Variants in CRISPLD2 observed in about 807,000 individuals in gnomAD.
The protein encoded by CRISPLD2 is cysteine rich secretory protein LCCL domain containing 2.
A neutral mutation model predicts 71.1 loss-of-function variants in CRISPLD2; 47 were observed. The ratio of observed to expected loss-of-function variants is 0.66; its 90% CI spans 0.52 to 0.84. The LOEUF (loss-of-function observed/expected upper bound fraction) is 0.84. CRISPLD2 is among the 40% of genes least tolerant of loss of function. The pLI is 0.00. For synonymous variants in CRISPLD2, 317 were observed against 250.1 expected (o/e 1.27, Z -2.52); for missense variants, 830 against 651.1 (o/e 1.27, Z -2.99).
intron 12 of CRISPLD2, among the ~76,000 whole-genome samples, chr16:84,877,864 C>G (rs539294195): frequency 1.3e-5 from 2 of 150,804 alleles, no homozygotes; most frequent in African/African-American, 2.4e-5. Flanking sequence ...AAATAAAATA[C>G]AAATTAAAAA....
At chr16:84,885,861 C>G (rs1351836179) in intron 13 of CRISPLD2, among the ~76,000 whole-genome samples, 1 of 134,316 alleles carries the variant, frequency 7.4e-6, no homozygotes, top group African/African-American at 2.8e-5. Context: ...CTCTGTCACA[C>G]AGGCTGGAGT....
chr16:84,897,424 T>C (rs2968151), intron 14 of CRISPLD2, among the ~76,000 whole-genome samples: 93,568 of 152,014 alleles, frequency 0.62, 29,428 homozygotes, highest in East Asian at 0.85. Flanking sequence ...CACTGCACTC[T>C]AGCCTCGGTG....
rs1242500827 is a variant in CRISPLD2 at position 84,850,644 on chromosome 16, G to T, written c.569G>T (p.Trp190Leu). Reference protein sequence around the residue: ...CRKMTVWGEVWENAVYFVCNY... With the variant: ...CRKMTVWGEVLENAVYFVCNY... ...AAGATGACTGTCTGGGGAGAAGTTTGGGAGAACGCGGTCTACTTTGTCTGC... is the reference window on the plus strand; with the variant it reads ...AAGATGACTGTCTGGGGAGAAGTTTTGGAGAACGCGGTCTACTTTGTCTGC... Residue 190 changes from tryptophan to leucine, a missense_variant, in exon 5 of 15, where the codon TGG (tryptophan) becomes TTG (leucine). Trp to Leu is a moderately conservative substitution (Grantham distance 61). Transcript: ENST00000262424. 6.2e-7 allele frequency: 1 copy of T among 1,614,164 alleles called. No individual in the cohort carries two copies. The highest frequency in any genetic ancestry group is 8.5e-7 in the Non-Finnish European group (1 of 1,180,008).
chr16:84,887,556 A>G (rs2071623961), intron 13 of CRISPLD2, among the ~76,000 whole-genome samples: 1 of 152,234 alleles, frequency 6.6e-6, no homozygotes. Context: ...TTATGGTGTC[A>G]TTCTCCTGGG....
At position 84,885,873 on chromosome 16, in the gene CRISPLD2, C is replaced by T. The variant is rs144490343; in HGVS notation, c.1306-3357C>T. 9.4e-3 allele frequency among the ~76,000 whole-genome samples: 1,247 copies of T among 132,444 alleles called. 10 individuals carry two copies. The highest frequency in any genetic ancestry group is 0.014 in the Non-Finnish European group (940 of 65,572). The allele number at this position is 132,444 out of a possible 152,430, so 86.9% of individuals were successfully genotyped here. The stretch of plus-strand genomic sequence containing the variant: ...GAGCTCTGTCACACAGGCTGGAGTG[C>T]AGTGGTGCCATCACAGCCCACTGTG... On this transcript the variant is annotated intron_variant, in intron 13 of 14. Transcript: ENST00000262424.
intron 8 of CRISPLD2, among the ~76,000 whole-genome samples, chr16:84,870,418 T>G (rs1420234103): frequency 6.6e-6 from 1 of 151,984 alleles, no homozygotes; most frequent in African/African-American, 2.4e-5. Context: ...TTCCCGGGTT[T>G]AAGTGATTCT....
At chr16:84,863,695 C>T (rs1597464909) in intron 6 of CRISPLD2, among the ~76,000 whole-genome samples, 1 of 152,118 alleles carries the variant, frequency 6.6e-6, no homozygotes, top group African/African-American at 2.4e-5. Flanking sequence ...GATGGCCGGG[C>T]GCGGTGGCTC....
chr16:84,897,401 G>T (rs939212390), intron 14 of CRISPLD2, among the ~76,000 whole-genome samples: 1 of 152,134 alleles, frequency 6.6e-6, no homozygotes, highest in Admixed American at 6.5e-5. Flanking sequence ...GCTACAGTGA[G>T]TGGAGATTGC....
At chr16:84,906,062 G>C (rs1185020441) in intron 14 of CRISPLD2, among the ~76,000 whole-genome samples, 1 of 152,028 alleles carries the variant, frequency 6.6e-6, no homozygotes, top group Non-Finnish European at 1.5e-5. Context: ...AACTCCTCTT[G>C]TGAGAGGGCA....
intron 11 of CRISPLD2, 56 bp from the exon 12 acceptor site, chr16:84,877,382 G>C: frequency 6.5e-7 from 1 of 1,527,230 alleles, no homozygotes; most frequent in Admixed American, 1.7e-5. Flanking sequence ...CAGCCTGGTA[G>C]CCTGAGGCCC....
At chr16:84,876,808 A>C (rs939036954) in intron 11 of CRISPLD2, among the ~76,000 whole-genome samples, 9 of 152,356 alleles carry the variant, frequency 5.9e-5, no homozygotes, top group Non-Finnish European at 8.8e-5. Context: ...AAAAAAGAAA[A>C]AGAAAAAGTT....
At chr16:84,830,303 T>C (rs900656790) in intron 1 of CRISPLD2, among the ~76,000 whole-genome samples, 2 of 152,106 alleles carry the variant, frequency 1.3e-5, no homozygotes, top group African/African-American at 4.8e-5. Flanking sequence ...GCCTGGGTAA[T>C]AGTGAGACCC....
intron 3 of CRISPLD2, among the ~76,000 whole-genome samples, chr16:84,847,776 G>A (rs1471839965): frequency 1.3e-5 from 2 of 152,122 alleles, no homozygotes; most frequent in African/African-American, 2.4e-5. Context: ...CTGGCTGGGC[G>A]CCGACGTAGT....
rs145173036 is a variant in CRISPLD2 at position 84,885,554 on chromosome 16, C to T, written c.1306-3676C>T. ...TTCTGCCTGCAACTCCAGGGCCTCC[C>T]AGATACCCGGGACCCCGCTTTGGGC... On this transcript the variant is annotated intron_variant, in intron 13 of 14. Coordinates refer to ENST00000262424, the MANE Select transcript of CRISPLD2 (RefSeq NM_031476.4). 1.9e-3 allele frequency among the ~76,000 whole-genome samples: 284 copies of T among 152,326 alleles called. 1 individual carries two copies. Among genetic ancestry groups the T allele is most frequent in the African/African-American group, 6.5e-3 (272 of 41,570 alleles).
intron 1 of CRISPLD2, among the ~76,000 whole-genome samples, chr16:84,828,689 G>T (rs1445534933): frequency 6.6e-6 from 1 of 152,116 alleles, no homozygotes; most frequent in Non-Finnish European, 1.5e-5. Context: ...TCCCTTAAAA[G>T]TGACTTTTCT....
At chr16:84,873,893 G>GTTTTTTT in intron 10 of CRISPLD2, 27 bp from the exon 11 acceptor site, 1 of 1,419,630 alleles carries the variant, frequency 7.0e-7, no homozygotes, top group South Asian at 1.3e-5. Context: ...CCTAATGCCC[G>GTTTTTTT]TTTTTTTTTT....
In CRISPLD2 at chr16:84,880,544, C is replaced by G; in HGVS notation, c.1265C>G (p.Ser422Cys). 6.2e-7 allele frequency: 1 copy of G among 1,613,912 alleles called. No individual in the cohort carries two copies. Among genetic ancestry groups the G allele is most frequent in the South Asian group, 1.1e-5 (1 of 91,064 alleles). The change falls in exon 13 of 15, where the codon TCC becomes TGC. Residue 422 changes from serine (S) to cysteine (C), a missense_variant. Ser to Cys is a moderately radical substitution (Grantham distance 112). Transcript: ENST00000262424. Reference protein sequence around the residue: ...HCPAHCKDEPSYWAPVFGTNI... With the variant: ...HCPAHCKDEPCYWAPVFGTNI... ...CCGGCACACTGCAAAGACGAACCTT[C>G]CTACTGGGCTCCGGTGTTTGGAACC...
At chr16:84,832,562 G>A (rs764875443) in intron 1 of CRISPLD2, among the ~76,000 whole-genome samples, 8 of 152,272 alleles carry the variant, frequency 5.3e-5, no homozygotes, top group Non-Finnish European at 7.3e-5. Flanking sequence ...GCAGGTCTGC[G>A]GTGTGATTAC....
chr16:84,840,817 C>A (rs927266824), intron 2 of CRISPLD2, among the ~76,000 whole-genome samples: 1 of 152,202 alleles, frequency 6.6e-6, no homozygotes, highest in Non-Finnish European at 1.5e-5. Context: ...GCTGGGATTA[C>A]AGGCATGAAC....
Sources: allele counts gnomAD v4.1 joint callset (sites outside exome capture counted in the v4.1 genomes callset), GRCh38; gene constraint gnomAD v4.1.1; transcripts MANE v1.5; gene names NCBI Gene and HGNC (gene_info 2026-07-23, HGNC 2026-07-21).